The following SLC39A14 variants were observed in gnomAD, a reference collection of about 807,000 sequenced individuals.
The protein encoded by SLC39A14 is metal cation symporter ZIP14.
SLC39A14 carries 19 observed loss-of-function variants against 45.5 expected under a neutral mutation model. That is an observed-to-expected ratio of 0.42 (90% CI 0.29 to 0.61). The LOEUF (loss-of-function observed/expected upper bound fraction) is 0.61. Among genes scored for constraint, SLC39A14 ranks in the 20% least tolerant of loss-of-function variants. The pLI, the probability that SLC39A14 is intolerant of heterozygous loss-of-function variation, is 0.22. For missense variants in SLC39A14, 447 were observed against 616.5 expected, an observed-to-expected ratio of 0.73 and a Z score of 2.91; for synonymous variants, 264 against 251.3, an observed-to-expected ratio of 1.05 and a Z score of -0.48.
chr8:22,376,184 T>G (rs537879518), intron 1 of SLC39A14, among the ~76,000 whole-genome samples: 3 of 152,244 alleles, frequency 2.0e-5, no homozygotes, highest in Non-Finnish European at 2.9e-5. Flanking sequence ...TTGTTGTTGT[T>G]AATTTTGAGA....
downstream of SLC39A14, among the ~76,000 whole-genome samples, chr8:22,425,219 A>G (rs3943520): frequency 0.5 from 75,792 of 151,836 alleles, 20,877 homozygotes; most frequent in African/African-American, 0.74. Flanking sequence ...CTTGTGGCCC[A>G]CGTGGAACAG....
At chr8:22,375,616 A>C (rs1833174782) in intron 1 of SLC39A14, among the ~76,000 whole-genome samples, 1 of 151,686 alleles carries the variant, frequency 6.6e-6, no homozygotes, top group Non-Finnish European at 1.5e-5. Flanking sequence ...GCCCCCTAAT[A>C]ATAGCTGGGA....
intron 1 of SLC39A14, among the ~76,000 whole-genome samples, chr8:22,377,240 C>T (rs565084480): frequency 9.9e-5 from 15 of 151,254 alleles, no homozygotes; most frequent in Admixed American, 6.6e-5. Context: ...GAGCTCCTTC[C>T]GGTTGTCTCC....
At chr8:22,376,970 G>T (rs945808142) in intron 1 of SLC39A14, among the ~76,000 whole-genome samples, 5 of 152,136 alleles carry the variant, frequency 3.3e-5, no homozygotes, top group Non-Finnish European at 7.4e-5. Context: ...TGCAAATCCT[G>T]TTTCTCCTTG....
intron 4 of SLC39A14, among the ~76,000 whole-genome samples, chr8:22,413,979 A>G (rs1027584756): frequency 6.6e-6 from 1 of 151,724 alleles, no homozygotes; most frequent in Non-Finnish European, 1.5e-5. Context: ...GGGTTTCGCC[A>G]TGTTGGCCAG....
intron 1 of SLC39A14, among the ~76,000 whole-genome samples, chr8:22,389,399 G>A (rs762488222): frequency 2.5e-4 from 38 of 152,012 alleles, no homozygotes; most frequent in Non-Finnish European, 4.4e-4. Context: ...GGAGTCGGGC[G>A]TGAGCGGGCT....
intron 1 of SLC39A14, among the ~76,000 whole-genome samples, chr8:22,401,507 GTTCT>G (rs1268810395): frequency 7.4e-6 from 1 of 134,948 alleles, no homozygotes; most frequent in South Asian, 2.5e-4. Flanking sequence ...ATTTATCTGT[GTTCT>G]TTCTTTCTGT....
At chr8:22,408,581 T>C (rs1835370025) in intron 3 of SLC39A14, 85 bp downstream of exon 3, 2 of 1,275,316 alleles carry the variant, frequency 1.6e-6, no homozygotes, top group African/African-American at 1.5e-5. Context: ...CTGCTGCTCC[T>C]CACTGAATGC....
At chr8:22,416,031 A>G in intron 6 of SLC39A14, 42 bp from the exon 7 acceptor site, 1 of 1,610,428 alleles carries the variant, frequency 6.2e-7, no homozygotes, top group Non-Finnish European at 8.5e-7. Context: ...CACATGGTCC[A>G]GCCTTTGACG....
intron 1 of SLC39A14, among the ~76,000 whole-genome samples, chr8:22,372,054 A>T (rs1832969794): frequency 6.6e-6 from 1 of 151,976 alleles, no homozygotes; most frequent in African/African-American, 2.4e-5. Flanking sequence ...CCTTTATTTT[A>T]TCTTTAAAAC....
intron 1 of SLC39A14, among the ~76,000 whole-genome samples, chr8:22,388,883 A>G (rs375971282): frequency 4.0e-5 from 5 of 124,642 alleles, no homozygotes; most frequent in African/African-American, 1.7e-4. Context: ...CCTTTCTTTC[A>G]GTAACCCTCT....
At chr8:22,398,069 G>T (rs1309670618) in intron 1 of SLC39A14, among the ~76,000 whole-genome samples, 1 of 152,138 alleles carries the variant, frequency 6.6e-6, no homozygotes, top group African/African-American at 2.4e-5. Flanking sequence ...GGACGTCTTA[G>T]GATGATTCAC....
rs896047491 is a variant in SLC39A14 at position 22,384,974 on chromosome 8, C to T, written c.-16+17566C>T. Among the ~76,000 whole-genome samples the T allele has an allele frequency of 1.9e-4, 27 of 144,146 alleles. 1 individual carries two copies. The Middle Eastern group carries it at 0.031, about 164-fold the overall frequency. 94.6% of individuals were successfully genotyped at this position (144,146 alleles called of 152,430 possible). On this transcript the variant is annotated intron_variant, in intron 1 of 8. Coordinates refer to ENST00000381237, the MANE Select transcript of SLC39A14 (RefSeq NM_001128431.4). ...CTGAGACTGGAGAATTGCTTGAACC[C>T]GGGAGGCGGAGGTTGCAGTGAGCTG...
intron 1 of SLC39A14, among the ~76,000 whole-genome samples, chr8:22,404,189 C>T (rs915664410): frequency 6.6e-6 from 1 of 152,044 alleles, no homozygotes; most frequent in South Asian, 2.1e-4. Flanking sequence ...TTTGGGGGGC[C>T]GAGGTGGGTG....
chr8:22,406,725 C>G (rs1307354883), intron 2 of SLC39A14, among the ~76,000 whole-genome samples: 1 of 152,048 alleles, frequency 6.6e-6, no homozygotes, highest in East Asian at 1.9e-4. Flanking sequence ...ACGGGGGAAC[C>G]ACGTGGCTTG....
Position 22,421,220 on chromosome 8 carries a change from G to A in SLC39A14, c.*1522G>A, listed in dbSNP as rs1025870795. On this transcript the variant is annotated 3_prime_UTR_variant, in exon 9 of 9. Coordinates refer to ENST00000381237, the MANE Select transcript of SLC39A14 (RefSeq NM_001128431.4). ...CATGTGCATGGCTGACAGGAGTACT[G>A]GTTCACTACCAATGCCTGAGCTTTT... 6 of 985,786 alleles carry A rather than the reference G, an allele frequency of 6.1e-6. No individual in the cohort carries two copies. Among genetic ancestry groups the A allele is most frequent in the African/African-American group, 5.2e-5 (3 of 57,336 alleles). The allele number at this position is 985,786 out of a possible 1,614,324, so 61.1% of individuals were successfully genotyped here.
chr8:22,388,142 CT>C (rs1833884586), intron 1 of SLC39A14, among the ~76,000 whole-genome samples: 1 of 152,194 alleles, frequency 6.6e-6, no homozygotes, highest in African/African-American at 2.4e-5. Context: ...AAGCCCTGTC[CT>C]TCTAGGACCA....
In SLC39A14 at chr8:22,408,452, AGGAG is replaced by A; in HGVS notation, c.414_417del (p.Glu139MetfsTer22). ...TGCACCTCGGAGAACCAGGAAAACG[AGGAG>A]AATGAGCAGACGGAGGAGGGGCGGC... On this transcript the variant is annotated frameshift_variant, in exon 3 of 9. Coordinates refer to ENST00000381237, the MANE Select transcript of SLC39A14 (RefSeq NM_001128431.4). LOFTEE classifies it high-confidence loss of function. 6.2e-7 allele frequency: 1 copy of A among 1,614,154 alleles called. No individual in the cohort carries two copies. The highest frequency in any genetic ancestry group is 8.5e-7 in the Non-Finnish European group (1 of 1,180,036).
Position 22,420,690 on chromosome 8 carries a change from A to C in SLC39A14, c.*992A>C, listed in dbSNP as rs1251439441. On this transcript the variant is annotated 3_prime_UTR_variant, in exon 9 of 9. Coordinates refer to ENST00000381237, the MANE Select transcript of SLC39A14 (RefSeq NM_001128431.4). ...AGAAATGGGGTGCCATTTATGCTCT[A>C]CTTAGACAAGGGTAATCAGAAATGG... The C allele has an allele frequency of 1.0e-6, 1 of 985,298 alleles. No homozygotes were observed. The highest frequency in any genetic ancestry group is 6.2e-5 in the Admixed American group (1 of 16,254). The allele number at this position is 985,298 out of a possible 1,614,324, so 61.0% of individuals were successfully genotyped here.
Sources: gnomAD v4.1 joint callset for allele counts (sites outside exome capture counted in the v4.1 genomes callset) on GRCh38, gnomAD v4.1.1 for gene constraint, MANE v1.5 for transcripts, NCBI Gene and HGNC (gene_info 2026-07-23, HGNC 2026-07-21) for gene names.